Variants in C8orf34 observed in about 807,000 individuals in gnomAD.
C8orf34 encodes chromosome 8 open reading frame 34.
A neutral mutation model predicts 68.3 loss-of-function variants in C8orf34; 65 were observed. The ratio of observed to expected loss-of-function variants is 0.95; its 90% CI spans 0.78 to 1.17. The LOEUF (loss-of-function observed/expected upper bound fraction) is 1.17. Among genes scored for constraint, C8orf34 ranks in the 50% most tolerant of loss-of-function variants. The pLI, the probability that C8orf34 is intolerant of heterozygous loss-of-function variation, is 0.00. For missense variants in C8orf34, 664 were observed against 655.4 expected (o/e 1.01, Z -0.14); for synonymous variants, 244 against 241.2 (o/e 1.01, Z -0.11).
chr8:68,405,972 G>C (rs764695532), intron 1 of C8orf34, among the ~76,000 whole-genome samples: 1 of 152,176 alleles, frequency 6.6e-6, no homozygotes, highest in South Asian at 2.1e-4. Context: ...GAAAACAAAG[G>C]TATGGGAACA....
At position 68,760,314 on chromosome 8, in the gene C8orf34, C is replaced by G. The variant is rs117873241; in HGVS notation, c.1405-16085C>G. 2.6e-5 allele frequency among the ~76,000 whole-genome samples: 4 copies of G among 152,244 alleles called. No individual in the cohort carries two copies. In the East Asian group the frequency reaches 5.8e-4, roughly 22 times the overall value. ...AGGTATTGCCTCTAATTCTTTCAAT[C>G]GAAAGCATTCTTAGTTGTAGTGTCT... On this transcript the variant is annotated intron_variant, in intron 10 of 13. Coordinates refer to ENST00000518698, the MANE Select transcript of C8orf34 (RefSeq NM_052958.4).
Position 68,633,449 on chromosome 8 carries a change from T to C in C8orf34, c.1106-6927T>C, listed in dbSNP as rs890304475. ...GTTATCTATCTTCTTAACATTCTTC[T>C]CTCACTTACTAGACAGTTCAATTTC... is the stretch of plus-strand genomic sequence containing the variant. On this transcript the variant is annotated intron_variant, in intron 7 of 13. Transcript: ENST00000518698. 3.3e-5 allele frequency among the ~76,000 whole-genome samples: 5 copies of C among 152,228 alleles called. No homozygotes were observed. In the South Asian group the frequency reaches 8.3e-4, roughly 25 times the overall value.
intron 8 of C8orf34, among the ~76,000 whole-genome samples, chr8:68,698,813 T>C (rs1211334480): frequency 6.6e-6 from 1 of 152,028 alleles, no homozygotes; most frequent in African/African-American, 2.4e-5. Flanking sequence ...AGCCTCATAT[T>C]TGGGAAGAAA....
chr8:68,790,074 T>C (rs1823949767), intron 12 of C8orf34, among the ~76,000 whole-genome samples: 1 of 152,216 alleles, frequency 6.6e-6, no homozygotes, highest in Non-Finnish European at 1.5e-5. Flanking sequence ...GTTAGCATTG[T>C]AGCCAAGCTC....
intron 9 of C8orf34, among the ~76,000 whole-genome samples, chr8:68,710,936 C>T (rs887616794): frequency 8.5e-5 from 13 of 152,292 alleles, no homozygotes; most frequent in African/African-American, 2.2e-4. Flanking sequence ...CTACCTCCCC[C>T]GGGGAAGGTG....
intron 8 of C8orf34, among the ~76,000 whole-genome samples, chr8:68,682,707 C>T (rs1820405732): frequency 6.6e-6 from 1 of 152,112 alleles, no homozygotes; most frequent in South Asian, 2.1e-4. Flanking sequence ...GGTTCCTCTT[C>T]AACAGTAGTT....
intron 1 of C8orf34, among the ~76,000 whole-genome samples, chr8:68,401,673 T>C (rs1224545203): frequency 1.3e-5 from 2 of 151,072 alleles, no homozygotes; most frequent in Non-Finnish European, 3.0e-5. Flanking sequence ...TCTTCTTAAT[T>C]CTGTTTTATG....
chr8:68,747,619 G>T (rs143265364), intron 10 of C8orf34, among the ~76,000 whole-genome samples: 27,101 of 149,276 alleles, frequency 0.18, 2,837 homozygotes, highest in Middle Eastern at 0.29. Flanking sequence ...AAATTATGAG[G>T]GAACTCCCAT....
At chr8:68,671,843 G>A (rs1563599294) in intron 8 of C8orf34, among the ~76,000 whole-genome samples, 2 of 152,086 alleles carry the variant, frequency 1.3e-5, no homozygotes, top group South Asian at 2.1e-4. Context: ...TAACGAAAAG[G>A]GTTTCCTGAG....
At chr8:68,613,443 T>TG (rs1818086891) in intron 7 of C8orf34, among the ~76,000 whole-genome samples, 1 of 130,142 alleles carries the variant, frequency 7.7e-6, no homozygotes, top group Admixed American at 8.1e-5. Flanking sequence ...TCCCTCCCCC[T>TG]CCCCCCACAC....
At chr8:68,378,295 C>G (rs1807890329) in intron 1 of C8orf34, among the ~76,000 whole-genome samples, 1 of 152,134 alleles carries the variant, frequency 6.6e-6, no homozygotes, top group Admixed American at 6.5e-5. Context: ...GTTTCTCCTA[C>G]AAGAATGTAA....
At chr8:68,674,020 C>G (rs1474192336) in intron 8 of C8orf34, among the ~76,000 whole-genome samples, 6 of 152,120 alleles carry the variant, frequency 3.9e-5, no homozygotes, top group African/African-American at 1.4e-4. Flanking sequence ...TGGATCTTAT[C>G]CAAAACCATT....
At chr8:68,502,648 A>C (rs1189589642) in intron 5 of C8orf34, among the ~76,000 whole-genome samples, 1 of 152,218 alleles carries the variant, frequency 6.6e-6, no homozygotes, top group Non-Finnish European at 1.5e-5. Flanking sequence ...TTCCTATACA[A>C]ATTACACTTA....
rs1038644911 is a variant in C8orf34, at chr8:68,336,547, A to C, written c.327+5208A>C. Among the ~76,000 whole-genome samples, 6 of 152,184 alleles carry C rather than the reference A, an allele frequency of 3.9e-5. No homozygotes were observed. The East Asian group carries it at 1.2e-3, about 29-fold the overall frequency. On this transcript the variant is annotated intron_variant, in intron 1 of 13. Coordinates refer to ENST00000518698, the MANE Select transcript of C8orf34 (RefSeq NM_052958.4). ...TGTTGGTGTGATCTCATGACTTTCA[A>C]TAATAGAAACAGGTATAGATGTAAT... is the stretch of plus-strand genomic sequence containing the variant.
intron 12 of C8orf34, chr8:68,790,896 G>T (rs1823976491): frequency 2.9e-6 from 2 of 700,062 alleles, no homozygotes; most frequent in South Asian, 1.5e-5. Context: ...TATTCTAAAA[G>T]TTGAGAACTA....
At chr8:68,551,584 T>C (rs1293836394) in intron 7 of C8orf34, among the ~76,000 whole-genome samples, 1 of 152,098 alleles carries the variant, frequency 6.6e-6, no homozygotes, top group Non-Finnish European at 1.5e-5. Flanking sequence ...TTTTTGTGCC[T>C]TTTATTATGT....
intron 7 of C8orf34, among the ~76,000 whole-genome samples, chr8:68,547,399 C>T (rs1815919958): frequency 6.6e-6 from 1 of 151,576 alleles, no homozygotes; most frequent in Non-Finnish European, 1.5e-5. Context: ...AAAATGCTTC[C>T]CAAAAAGAAG....
At chr8:68,686,017 A>T (rs1820506818) in intron 8 of C8orf34, among the ~76,000 whole-genome samples, 2 of 152,074 alleles carry the variant, frequency 1.3e-5, no homozygotes, top group Non-Finnish European at 2.9e-5. Context: ...ATTTATGTGC[A>T]CAAACTAGAC....
At chr8:68,657,033 A>G (rs1362452731) in intron 8 of C8orf34, among the ~76,000 whole-genome samples, 1 of 152,132 alleles carries the variant, frequency 6.6e-6, no homozygotes, top group Non-Finnish European at 1.5e-5. Context: ...TTCTGCCCTG[A>G]ACCCTAGGTA....
Sources: gnomAD v4.1 joint callset for allele counts (sites outside exome capture counted in the v4.1 genomes callset) on GRCh38, gnomAD v4.1.1 for gene constraint, MANE v1.5 for transcripts, NCBI Gene and HGNC (gene_info 2026-07-23, HGNC 2026-07-21) for gene names.